Variants in SMARCAD1 observed in about 807,000 individuals in gnomAD.
The protein encoded by SMARCAD1 is SWI/SNF-related matrix-associated actin-dependent regulator of chromatin subfamily A containing DEAD/H box 1.
SMARCAD1 carries 25 observed loss-of-function variants against 127.1 expected under a neutral mutation model. The ratio of observed to expected loss-of-function variants is 0.20; its 90% CI spans 0.14 to 0.27. The LOEUF is 0.27. Among genes scored for constraint, SMARCAD1 ranks in the 10% least tolerant of loss-of-function variants. The pLI is 1.00. For synonymous variants in SMARCAD1, 400 were observed against 396.9 expected (o/e 1.01, Z -0.09); for missense variants, 807 against 1,206.0 (o/e 0.67, Z 4.90).
rs149538841 is a variant in SMARCAD1, at chr4:94,236,941, C to T, written c.538-11C>T. 1,378 of 1,608,016 alleles carry T rather than the reference C, an allele frequency of 8.6e-4. 8 individuals are homozygous for T. The Middle Eastern group carries it at 0.015, about 17-fold the overall frequency. On this transcript the variant is annotated splice_polypyrimidine_tract_variant and intron_variant, in intron 4 of 23. Transcript: ENST00000354268. Reference sequence around the variant, plus strand: ...CTGATTTAAAACATTAATCTTTTCTCGTTCTGTTAGTTGATTGAATCAACA... The same window carrying T: ...CTGATTTAAAACATTAATCTTTTCTTGTTCTGTTAGTTGATTGAATCAACA...
chr4:94,280,423 C>T (rs186056746), intron 19 of SMARCAD1, among the ~76,000 whole-genome samples, 169 bp from the exon 20 acceptor site: 16 of 152,102 alleles, frequency 1.1e-4, no homozygotes, highest in African/African-American at 3.6e-4. Flanking sequence ...ACTTCTCCCC[C>T]TTTATTATAC....
rs540167975 is a variant in SMARCAD1 at position 94,270,849 on chromosome 4, T to G, written c.1572+31T>G. 5 of 1,590,508 alleles carry G rather than the reference T, an allele frequency of 3.1e-6. No individual in the cohort carries two copies. The South Asian group carries it at 5.5e-5, about 18-fold the overall frequency. On this transcript the variant is annotated intron_variant, in intron 11 of 23. Coordinates refer to ENST00000354268, the MANE Select transcript of SMARCAD1 (RefSeq NM_020159.5). ...TGTACTTTATTTCTAAGATTTGTTG[T>G]TGAAAGTGTCATTAAAAGGTATTCT...
chr4:94,214,926 C>T (rs1742922416), intron 2 of SMARCAD1, among the ~76,000 whole-genome samples: 1 of 152,036 alleles, frequency 6.6e-6, no homozygotes, highest in African/African-American at 2.4e-5. Flanking sequence ...TACCAGTCGT[C>T]AGAAAGATTT....
intron 9 of SMARCAD1, 55 bp from the exon 10 acceptor site, chr4:94,264,652 G>A (rs1751474882): frequency 8.8e-6 from 13 of 1,478,768 alleles, no homozygotes; most frequent in African/African-American, 7.0e-5. Context: ...AATCAGGATT[G>A]CCTTTCTCTT....
At chr4:94,229,654 A>C (rs10030586) in intron 3 of SMARCAD1, among the ~76,000 whole-genome samples, 83,976 of 151,876 alleles carry the variant, frequency 0.55, 23,655 homozygotes, top group East Asian at 0.72. Flanking sequence ...ACTTGGAAAT[A>C]TAGAAACTTC....
intron 11 of SMARCAD1, 80 bp from the exon 12 acceptor site, chr4:94,273,537 A>T: frequency 9.6e-7 from 1 of 1,044,326 alleles, no homozygotes; most frequent in Non-Finnish European, 1.5e-6. Context: ...GCACAGAATT[A>T]CTGCTTTTTC....
intron 2 of SMARCAD1, among the ~76,000 whole-genome samples, chr4:94,220,976 G>A (rs1483064251): frequency 6.6e-6 from 1 of 152,204 alleles, no homozygotes; most frequent in African/African-American, 2.4e-5. Context: ...AACCAGTCAC[G>A]TTTCTTTCCC....
At chr4:94,276,262 T>A (rs764496250) in intron 14 of SMARCAD1, 77 bp from the exon 15 acceptor site, 13 of 1,518,380 alleles carry the variant, frequency 8.6e-6, no homozygotes, top group Admixed American at 5.2e-5. Context: ...AAAAATGATT[T>A]TATAAGACAT....
intron 2 of SMARCAD1, among the ~76,000 whole-genome samples, chr4:94,219,708 C>T (rs1015153170): frequency 1.6e-4 from 25 of 152,238 alleles, no homozygotes; most frequent in South Asian, 4.1e-4. Context: ...TTAGCTTTTC[C>T]TATTGTTTTT....
rs577764494 is a variant in SMARCAD1 at position 94,241,213 on chromosome 4, T to G, written c.705+207T>G. ...GCCTGCTTAAGCACAGACTATTTTG[T>G]GTCTGTGGATATCAGACCTGAAAAT... On this transcript the variant is annotated intron_variant, in intron 6 of 23. Transcript: ENST00000354268. 5.3e-5 allele frequency among the ~76,000 whole-genome samples: 8 copies of G among 152,354 alleles called. No individual in the cohort carries two copies. The East Asian group carries it at 1.5e-3, about 29-fold the overall frequency.
rs1441976519 is a variant in SMARCAD1 at position 94,226,128 on chromosome 4, G to A, written c.200G>A (p.Ser67Asn). The A allele has an allele frequency of 6.2e-7, 1 of 1,609,838 alleles. No individual in the cohort carries two copies. The highest frequency in any genetic ancestry group is 2.2e-5 in the East Asian group (1 of 44,726). ...TTTTATTCTCTTGCAGAAGATTCTA[G>A]TGTTCCAGAAACTCCAGATAATGAA... is the stretch of plus-strand genomic sequence containing the variant. ...SDITEKTEDSSVPETPDNERK... is the reference protein window; with the variant it reads ...SDITEKTEDSNVPETPDNERK... Residue 67 changes from serine (S) to asparagine (N), a missense_variant, in exon 3 of 24, where the codon AGT (serine) becomes AAT (asparagine). Physicochemically the swap from Ser to Asn is conservative, Grantham distance 46. Around this residue, in one of 8 missense-constraint regions of SMARCAD1, gnomAD observed 175 missense variants for 169.5 expected, o/e 1.03. Coordinates refer to ENST00000354268, the MANE Select transcript of SMARCAD1 (RefSeq NM_020159.5).
chr4:94,272,469 A>G (rs1291356512), intron 11 of SMARCAD1, among the ~76,000 whole-genome samples: 2 of 152,198 alleles, frequency 1.3e-5, no homozygotes, highest in African/African-American at 4.8e-5. Context: ...CCATGTGACT[A>G]CTACCCAGAG....
Position 94,289,656 on chromosome 4 carries a change from A to G in SMARCAD1, c.*122A>G, listed in dbSNP as rs551202975. 10 of 994,932 alleles carry G rather than the reference A, an allele frequency of 1.0e-5. No homozygotes were observed. The highest frequency in any genetic ancestry group is 1.6e-5 in the Non-Finnish European group (10 of 620,562). 61.6% of individuals were successfully genotyped at this position (994,932 alleles called of 1,614,324 possible). A position where few individuals can be genotyped will look rare whatever the true frequency, so the allele number is the denominator to read the frequency against. ...TAACTTTTTATAATTTCCATATTAC[A>G]TTTCTCATAGTATGGACAACTTTTT... On this transcript the variant is annotated 3_prime_UTR_variant, in exon 24 of 24. Coordinates refer to ENST00000354268, the MANE Select transcript of SMARCAD1 (RefSeq NM_020159.5).
chr4:94,222,098 G>T (rs947855804), intron 2 of SMARCAD1, among the ~76,000 whole-genome samples: 1 of 152,112 alleles, frequency 6.6e-6, no homozygotes, highest in Non-Finnish European at 1.5e-5. Context: ...GCCCTGGTAC[G>T]GAGAGGGTAC....
chr4:94,253,568 A>G lies in SMARCAD1; in HGVS notation c.1281+561A>G, dbSNP rs1399381799. Reference sequence around the variant, plus strand: ...TTTTTGTTGGTTAAGCAACGTGGCCATTTTATGGAGTGTAGCAGGCTGCAG... The same window carrying G: ...TTTTTGTTGGTTAAGCAACGTGGCCGTTTTATGGAGTGTAGCAGGCTGCAG... On this transcript the variant is annotated intron_variant, in intron 9 of 23. Coordinates refer to ENST00000354268, the MANE Select transcript of SMARCAD1 (RefSeq NM_020159.5). The G allele has an allele frequency of 7.3e-6, 8 of 1,089,262 alleles. No homozygotes were observed. The East Asian group carries it at 3.7e-4, about 50-fold the overall frequency. 67.5% of individuals were successfully genotyped at this position (1,089,262 alleles called of 1,614,324 possible).
At chr4:94,239,395 C>T (rs550975453) in intron 5 of SMARCAD1, among the ~76,000 whole-genome samples, 6 of 151,566 alleles carry the variant, frequency 4.0e-5, no homozygotes, top group Non-Finnish European at 8.8e-5. Context: ...TATCATCCTG[C>T]GTATTAAACA....
At chr4:94,250,490 C>G (rs554285774) in intron 7 of SMARCAD1, among the ~76,000 whole-genome samples, 2 of 152,010 alleles carry the variant, frequency 1.3e-5, no homozygotes, top group Non-Finnish European at 2.9e-5. Flanking sequence ...ATTTCTTGAT[C>G]CTCTAGTGTT....
intron 5 of SMARCAD1, among the ~76,000 whole-genome samples, chr4:94,240,065 ATTT>A (rs1747341494): frequency 6.6e-6 from 1 of 152,066 alleles, no homozygotes; most frequent in Non-Finnish European, 1.5e-5. Flanking sequence ...TGTTAATGAA[ATTT>A]TTAAGCTGAC....
chr4:94,260,387 A>G (rs1261203876), intron 9 of SMARCAD1, among the ~76,000 whole-genome samples: 1 of 152,086 alleles, frequency 6.6e-6, no homozygotes, highest in East Asian at 1.9e-4. Flanking sequence ...TCTGTCACTC[A>G]GGCTGGAGTG....
Sources: allele counts gnomAD v4.1 joint callset (sites outside exome capture counted in the v4.1 genomes callset), GRCh38; gene constraint gnomAD v4.1.1; regional missense constraint gnomAD v4.1.1; transcripts MANE v1.5; gene names NCBI Gene and HGNC (gene_info 2026-07-23, HGNC 2026-07-21).